The following CDH3 variants were observed in gnomAD, a reference collection of about 807,000 sequenced individuals.
CDH3 encodes the protein cadherin 3, also known as cadherin-3.
CDH3 carries 54 observed loss-of-function variants against 82.0 expected under a neutral mutation model. The ratio of observed to expected loss-of-function variants is 0.66; its 90% CI spans 0.53 to 0.83. The LOEUF (loss-of-function observed/expected upper bound fraction) is 0.83. Among genes scored for constraint, CDH3 ranks in the 40% least tolerant of loss-of-function variants. CDH3 has a pLI of 0.00. For synonymous variants in CDH3, 446 were observed against 437.9 expected (o/e 1.02, Z -0.23); for missense variants, 1,054 against 1,084.6 (o/e 0.97, Z 0.40).
Position 68,717,688 on chromosome 16 carries a change from G to A in CDH3, c.100-4737G>A, listed in dbSNP as rs186792062. Among the ~76,000 whole-genome samples the A allele has an allele frequency of 3.5e-3, 530 of 151,914 alleles. 6 individuals carry two copies. Among genetic ancestry groups the A allele is most frequent in the African/African-American group, 0.012 (486 of 41,460 alleles). Reference sequence around the variant, plus strand: ...CTCGGGAGGCTGAGGCAGGAGAATCGCTTGAACCTGGGAGTTAGACGTTGC... The same window carrying A: ...CTCGGGAGGCTGAGGCAGGAGAATCACTTGAACCTGGGAGTTAGACGTTGC... On this transcript the variant is annotated intron_variant, in intron 1 of 2. Transcript: ENST00000569080.
At chr16:68,651,560 C>T (rs1960248985) in intron 2 of CDH3, 1 of 498,904 alleles carries the variant, frequency 2.0e-6, no homozygotes, top group East Asian at 4.9e-5. Context: ...GCCCCTTAGT[C>T]TTGGCCTTCC....
chr16:68,654,624 A>C (rs1378593057), intron 2 of CDH3, among the ~76,000 whole-genome samples: 3 of 143,554 alleles, frequency 2.1e-5, no homozygotes, highest in Non-Finnish European at 4.5e-5. Context: ...AATCTCTTAA[A>C]TCTGAGAGGT....
downstream of CDH3, among the ~76,000 whole-genome samples, chr16:68,728,311 G>T (rs1025950568): frequency 6.6e-6 from 1 of 151,934 alleles, no homozygotes; most frequent in Non-Finnish European, 1.5e-5. Flanking sequence ...GACTGCAGGC[G>T]CCCGCCACCA....
At chr16:68,690,216 T>G (rs1961526566) in intron 12 of CDH3, among the ~76,000 whole-genome samples, 1 of 152,210 alleles carries the variant, frequency 6.6e-6, no homozygotes, top group Non-Finnish European at 1.5e-5. Flanking sequence ...ATTTCTGACA[T>G]TCCTGCATTT....
chr16:68,730,938 TG>T (rs1429710693), downstream of CDH3, among the ~76,000 whole-genome samples: 7 of 142,166 alleles, frequency 4.9e-5, no homozygotes, highest in African/African-American at 1.9e-4. Flanking sequence ...GAGAATGGCT[TG>T]AATCCAAGAG....
chr16:68,650,681 C>T (rs1394788728), intron 2 of CDH3, among the ~76,000 whole-genome samples: 5 of 152,230 alleles, frequency 3.3e-5, no homozygotes, highest in Admixed American at 2.6e-4. Context: ...GGGGAAGAGG[C>T]AAGGCAACTG....
intron 11 of CDH3, chr16:68,686,653 G>T (rs1037715785): frequency 8.2e-5 from 71 of 862,004 alleles, no homozygotes; most frequent in Non-Finnish European, 1.2e-4. Context: ...TCCTATTTAG[G>T]GATGGTGACA....
chr16:68,669,970 A>G lies in CDH3; in HGVS notation c.161-6415A>G, dbSNP rs1040172909. Reference sequence around the variant, plus strand: ...TGTATCTACCAAAAAAATAAAAGTGACCTTTAGTCACTCACTTTGGGAGGC... The same window carrying G: ...TGTATCTACCAAAAAAATAAAAGTGGCCTTTAGTCACTCACTTTGGGAGGC... On this transcript the variant is annotated intron_variant, in intron 2 of 15. Transcript: ENST00000264012. Among the ~76,000 whole-genome samples, 9 of 151,568 alleles carry G rather than the reference A, an allele frequency of 5.9e-5. No homozygotes were observed. The South Asian group carries it at 1.9e-3, about 32-fold the overall frequency.
downstream of CDH3, among the ~76,000 whole-genome samples, chr16:68,727,820 A>G: frequency 6.6e-6 from 1 of 152,050 alleles, no homozygotes; most frequent in Non-Finnish European, 1.5e-5. Flanking sequence ...GAGACAGGAG[A>G]ATCGCTTGAA....
At chr16:68,731,744 G>A (rs916736100), downstream of CDH3, among the ~76,000 whole-genome samples, 3 of 151,646 alleles carry the variant, frequency 2.0e-5, no homozygotes, top group African/African-American at 7.3e-5. Context: ...GGCTGAGGTG[G>A]GAGGATTGGC....
chr16:68,731,851 C>T (rs1597834444), downstream of CDH3, among the ~76,000 whole-genome samples: 1 of 151,362 alleles, frequency 6.6e-6, no homozygotes, highest in Non-Finnish European at 1.5e-5. Context: ...AACAAACAAA[C>T]AAAAAATTCT....
Position 68,710,085 on chromosome 16 carries a change from T to A in CDH3, c.100-12340T>A, listed in dbSNP as rs113599427. Among the ~76,000 whole-genome samples, 510 of 152,336 alleles carry A rather than the reference T, an allele frequency of 3.3e-3. 6 individuals are homozygous for A. Among genetic ancestry groups the A allele is most frequent in the African/African-American group, 0.012 (486 of 41,586 alleles). On this transcript the variant is annotated intron_variant, in intron 1 of 2. Coordinates refer to the CDH3 transcript ENST00000569080. ...TGTGTTCTGGATTAGGTTGGTTACA[T>A]TGGGGGAAGGAACCCACAGGAGATG...
intron 2 of CDH3, among the ~76,000 whole-genome samples, chr16:68,661,777 C>T (rs1373163178): frequency 6.6e-6 from 1 of 152,244 alleles, no homozygotes; most frequent in Non-Finnish European, 1.5e-5. Context: ...CAACCTCCGC[C>T]TCCCGGGTTC....
At chr16:68,681,279 T>C (rs1174724889) in intron 8 of CDH3, among the ~76,000 whole-genome samples, 183 bp downstream of exon 8, 1 of 152,160 alleles carries the variant, frequency 6.6e-6, no homozygotes, top group Non-Finnish European at 1.5e-5. Flanking sequence ...AAGGAGATAA[T>C]GATAATACCT....
chr16:68,727,973 G>C (rs906041548), downstream of CDH3, among the ~76,000 whole-genome samples: 6 of 152,140 alleles, frequency 3.9e-5, no homozygotes, highest in African/African-American at 7.2e-5. Flanking sequence ...GCAAACGGCT[G>C]TATGAAGACT....
chr16:68,705,862 G>A (rs904814500), intron 1 of CDH3, among the ~76,000 whole-genome samples: 16 of 151,562 alleles, frequency 1.1e-4, no homozygotes, highest in Admixed American at 2.6e-4. Flanking sequence ...TCAAGAGATC[G>A]AGACCATTCT....
chr16:68,718,155 C>T (rs543519336), intron 1 of CDH3, among the ~76,000 whole-genome samples: 1 of 151,778 alleles, frequency 6.6e-6, no homozygotes, highest in Non-Finnish European at 1.5e-5. Context: ...ACTACAGGCA[C>T]GTGCCACTCT....
At position 68,705,847 on chromosome 16, in the gene CDH3, C is replaced by T. The variant is rs142653429; in HGVS notation, c.99+9924C>T. Among the ~76,000 whole-genome samples, 961 of 151,488 alleles carry T rather than the reference C, an allele frequency of 6.3e-3. 19 individuals are homozygous for T. Among genetic ancestry groups the T allele is most frequent in the African/African-American group, 0.022 (898 of 41,398 alleles). ...TTGGGAGGCCAAGGCAGGTGGATCACGAGGTCAAGAGATCGAGACCATTCT... is the reference window on the plus strand; with the variant it reads ...TTGGGAGGCCAAGGCAGGTGGATCATGAGGTCAAGAGATCGAGACCATTCT... On this transcript the variant is annotated intron_variant, in intron 1 of 2. Coordinates refer to the CDH3 transcript ENST00000569080.
rs753746346 is a variant in CDH3, at chr16:68,684,561, C to T, written c.1183-22C>T. The T allele has an allele frequency of 9.9e-6, 16 of 1,613,890 alleles. 1 individual carries two copies. The highest frequency in any genetic ancestry group is 1.2e-5 in the Non-Finnish European group (14 of 1,180,008). ...CTCCTCTCAAAATGGTGGTCCAGGT[C>T]CTTCTTCCTCTTCTCTCCTAGGGTT... is the stretch of plus-strand genomic sequence containing the variant. On this transcript the variant is annotated intron_variant, in intron 9 of 15. Coordinates refer to ENST00000264012, the MANE Select transcript of CDH3 (RefSeq NM_001793.6).
Sources: gnomAD v4.1 joint callset for allele counts (sites outside exome capture counted in the v4.1 genomes callset) on GRCh38, gnomAD v4.1.1 for gene constraint, MANE v1.5 for transcripts, NCBI Gene and HGNC (gene_info 2026-07-23, HGNC 2026-07-21) for gene names.